HS3ST4: variants seen among roughly 807,000 people sequenced by gnomAD.
HS3ST4 encodes heparan sulfate glucosamine 3-O-sulfotransferase 4.
HS3ST4 carries 17 observed loss-of-function variants against 29.2 expected under a neutral mutation model. That is an observed-to-expected ratio of 0.58 (90% CI 0.40 to 0.87). HS3ST4 has a LOEUF of 0.87. HS3ST4 is among the 40% of genes least tolerant of loss of function. The pLI is 0.00. For missense variants in HS3ST4, 627 were observed against 634.5 expected (o/e 0.99, Z 0.13); for synonymous variants, 314 against 285.7 (o/e 1.10, Z -1.00).
chr16:25,880,479 C>A (rs1967883128), intron 1 of HS3ST4, among the ~76,000 whole-genome samples: 1 of 152,174 alleles, frequency 6.6e-6, no homozygotes, highest in Non-Finnish European at 1.5e-5. Flanking sequence ...TACAGTAGTT[C>A]TTGGAGTCCC....
At chr16:26,096,509 A>G (rs1898927938) in intron 1 of HS3ST4, among the ~76,000 whole-genome samples, 1 of 152,244 alleles carries the variant, frequency 6.6e-6, no homozygotes, top group Admixed American at 6.5e-5. Flanking sequence ...GATTATCTCA[A>G]TAGATGCAGA....
At chr16:26,073,840 G>A (rs11648676) in intron 1 of HS3ST4, among the ~76,000 whole-genome samples, 31,207 of 152,052 alleles carry the variant, frequency 0.21, 3,948 homozygotes, top group Non-Finnish European at 0.28. Flanking sequence ...CTTTTGGGTG[G>A]ATGCCTTATT....
chr16:25,781,489 C>T (rs1966852546), intron 1 of HS3ST4, among the ~76,000 whole-genome samples: 2 of 152,154 alleles, frequency 1.3e-5, no homozygotes, highest in South Asian at 4.1e-4. Flanking sequence ...TCAAAAGCAT[C>T]CTCTTGGATA....
intron 1 of HS3ST4, among the ~76,000 whole-genome samples, chr16:26,116,120 A>G (rs1351810434): frequency 6.6e-6 from 1 of 152,148 alleles, no homozygotes; most frequent in Non-Finnish European, 1.5e-5. Context: ...TCCTCTTGCA[A>G]ATGTGTGTGG....
intron 1 of HS3ST4, among the ~76,000 whole-genome samples, chr16:26,127,256 C>G (rs1400105562): frequency 6.6e-6 from 1 of 152,210 alleles, no homozygotes; most frequent in East Asian, 1.9e-4. Flanking sequence ...GCAGGAAATT[C>G]CTAAACGTTG....
intron 1 of HS3ST4, among the ~76,000 whole-genome samples, chr16:25,843,290 G>A (rs8061432): frequency 0.11 from 16,314 of 152,132 alleles, 1,125 homozygotes; most frequent in East Asian, 0.2. Flanking sequence ...CTGACCACTG[G>A]AGCTGTCACA....
At chr16:25,860,220 A>C (rs576881830) in intron 1 of HS3ST4, among the ~76,000 whole-genome samples, 2 of 152,328 alleles carry the variant, frequency 1.3e-5, no homozygotes, top group Admixed American at 1.3e-4. Flanking sequence ...AATGCTGGTG[A>C]GGATGTGGAG....
At chr16:25,927,041 G>A (rs558443550) in intron 1 of HS3ST4, among the ~76,000 whole-genome samples, 2 of 151,596 alleles carry the variant, frequency 1.3e-5, no homozygotes, top group Admixed American at 6.6e-5. Flanking sequence ...CAGCCTGGGC[G>A]ACAAGAGCGA....
At chr16:25,752,937 G>A (rs1262567144) in intron 1 of HS3ST4, among the ~76,000 whole-genome samples, 1 of 152,206 alleles carries the variant, frequency 6.6e-6, no homozygotes, top group African/African-American at 2.4e-5. Flanking sequence ...TAGAGGGAGT[G>A]TCGTATTGCA....
intron 1 of HS3ST4, among the ~76,000 whole-genome samples, chr16:25,715,038 G>A (rs1966442729): frequency 1.3e-5 from 2 of 152,166 alleles, no homozygotes; most frequent in African/African-American, 2.4e-5. Context: ...AAAACTCAGC[G>A]CCGGCCGGGC....
chr16:25,727,958 A>G (rs1966548101), intron 1 of HS3ST4, among the ~76,000 whole-genome samples: 1 of 152,180 alleles, frequency 6.6e-6, no homozygotes, highest in African/African-American at 2.4e-5. Flanking sequence ...CAGAAAAGCT[A>G]TCACTTGAAT....
At chr16:26,084,259 G>A (rs1316131766) in intron 1 of HS3ST4, among the ~76,000 whole-genome samples, 1 of 152,152 alleles carries the variant, frequency 6.6e-6, no homozygotes, top group Non-Finnish European at 1.5e-5. Flanking sequence ...GACTTAATAT[G>A]TTTAATCCCT....
intron 1 of HS3ST4, among the ~76,000 whole-genome samples, chr16:25,968,294 C>T (rs1047466778): frequency 6.6e-6 from 1 of 152,084 alleles, no homozygotes; most frequent in South Asian, 2.1e-4. Context: ...CAACACAGTG[C>T]GACATTTAAA....
rs1283373820 is a variant in HS3ST4 at position 25,692,002 on chromosome 16, C to G, written c.-416C>G. ...CTCTCTCCCGGCAGAAAGTTAGCAG[C>G]GGGGAAGGAACTCCGGGCTGCAACA... On this transcript the variant is annotated 5_prime_UTR_variant, in exon 1 of 2. Transcript: ENST00000331351. The G allele has an allele frequency of 6.6e-6, 1 of 151,478 alleles. No homozygotes were observed. The highest frequency in any genetic ancestry group is 2.4e-5 in the African/African-American group (1 of 41,306). 9.4% of individuals were successfully genotyped at this position (151,478 alleles called of 1,614,324 possible).
chr16:26,134,145 G>A (rs1238818496), intron 1 of HS3ST4, among the ~76,000 whole-genome samples: 13 of 152,064 alleles, frequency 8.5e-5, no homozygotes, highest in South Asian at 2.1e-4. Context: ...AGGCAAACTC[G>A]GATGGAGGAA....
At chr16:26,071,081 A>C (rs1898597613) in intron 1 of HS3ST4, among the ~76,000 whole-genome samples, 1 of 152,190 alleles carries the variant, frequency 6.6e-6, no homozygotes. Flanking sequence ...AAAGTCCTAA[A>C]AGAGGCTGAA....
chr16:25,817,424 C>A (rs1348719670), intron 1 of HS3ST4, among the ~76,000 whole-genome samples: 1 of 152,218 alleles, frequency 6.6e-6, no homozygotes, highest in Non-Finnish European at 1.5e-5. Context: ...CTACTTAACT[C>A]TGCTGTTATA....
intron 1 of HS3ST4, among the ~76,000 whole-genome samples, chr16:25,721,725 C>T (rs932614182): frequency 6.6e-6 from 1 of 152,184 alleles, no homozygotes; most frequent in African/African-American, 2.4e-5. Context: ...ATGTGGGATA[C>T]TGCCCAGTGC....
At chr16:25,920,023 CTT>C (rs1380378049) in intron 1 of HS3ST4, among the ~76,000 whole-genome samples, 2 of 151,452 alleles carry the variant, frequency 1.3e-5, no homozygotes, top group East Asian at 3.9e-4. Context: ...GGATCTGAGT[CTT>C]TTGCTTCATA....
Sources: allele counts gnomAD v4.1 joint callset (sites outside exome capture counted in the v4.1 genomes callset), GRCh38; gene constraint gnomAD v4.1.1; transcripts MANE v1.5; gene names NCBI Gene and HGNC (gene_info 2026-07-23, HGNC 2026-07-21).